Variants in REC114 observed in about 807,000 individuals in gnomAD.
REC114 encodes meiotic recombination protein REC114.
REC114 carries 27 observed loss-of-function variants against 31.3 expected under a neutral mutation model. The observed-to-expected ratio is 0.86, with a 90% CI of 0.64 to 1.19. The LOEUF (loss-of-function observed/expected upper bound fraction) is 1.19. Among genes scored for constraint, REC114 ranks in the 50% most tolerant of loss-of-function variants. The pLI is 0.00. For synonymous variants in REC114, 134 were observed against 127.7 expected, an observed-to-expected ratio of 1.05 and a Z score of -0.33; for missense variants, 344 against 326.9, an observed-to-expected ratio of 1.05 and a Z score of -0.40.
At chr15:73,533,687 C>T (rs1444889532) in intron 2 of REC114, among the ~76,000 whole-genome samples, 27 of 146,548 alleles carry the variant, frequency 1.8e-4, no homozygotes, top group African/African-American at 6.7e-4. Context: ...CCAAGCGGAC[C>T]TAATAGACAT....
chr15:73,530,139 T>C (rs1894057871), intron 2 of REC114, among the ~76,000 whole-genome samples: 1 of 152,338 alleles, frequency 6.6e-6, no homozygotes, highest in African/African-American at 2.4e-5. Flanking sequence ...TATCTCAGTC[T>C]GAGATATGAT....
chr15:73,557,164 G>T (rs1377431868), intron 5 of REC114, among the ~76,000 whole-genome samples: 1 of 151,570 alleles, frequency 6.6e-6, no homozygotes, highest in East Asian at 1.9e-4. Context: ...CTGTCTCCTG[G>T]GTTCAAGTGA....
chr15:73,544,481 G>A (rs1175906182), intron 3 of REC114, among the ~76,000 whole-genome samples: 1 of 152,114 alleles, frequency 6.6e-6, no homozygotes, highest in Non-Finnish European at 1.5e-5. Context: ...TCTCTGAACT[G>A]AAATAAGTAG....
At chr15:73,495,508 T>TA (rs80177107) in intron 2 of REC114, among the ~76,000 whole-genome samples, 4,708 of 130,648 alleles carry the variant, frequency 0.036, 132 homozygotes, top group African/African-American at 0.081. Flanking sequence ...CTGCCAGTCT[T>TA]AAAAAAAAAA....
At chr15:73,448,808 C>T (rs1385089486) in intron 1 of REC114, among the ~76,000 whole-genome samples, 1 of 152,148 alleles carries the variant, frequency 6.6e-6, no homozygotes, top group African/African-American at 2.4e-5. Context: ...AAGGAACAGG[C>T]AGCAGCCTGT....
chr15:73,496,126 G>A (rs1443544883), intron 2 of REC114, among the ~76,000 whole-genome samples: 1 of 151,934 alleles, frequency 6.6e-6, no homozygotes, highest in African/African-American at 2.4e-5. Context: ...GGCTGAGGCA[G>A]GCAGATCACG....
chr15:73,553,114 T>C (rs1894414777), intron 4 of REC114, among the ~76,000 whole-genome samples: 1 of 152,152 alleles, frequency 6.6e-6, no homozygotes, highest in Admixed American at 6.6e-5. Context: ...CGCACCCAGC[T>C]GTCACTAAGT....
chr15:73,500,646 G>A (rs549554196), intron 2 of REC114, among the ~76,000 whole-genome samples: 5 of 150,980 alleles, frequency 3.3e-5, no homozygotes, highest in African/African-American at 1.2e-4. Context: ...TAAGATATGT[G>A]TATAATACTT....
chr15:73,470,615 GA>G (rs370308788), intron 1 of REC114, among the ~76,000 whole-genome samples: 14 of 151,162 alleles, frequency 9.3e-5, no homozygotes, highest in East Asian at 3.9e-4. Context: ...CCAAAACGGG[GA>G]AAAAAAAATC....
chr15:73,478,689 C>T (rs1028255113), intron 2 of REC114, among the ~76,000 whole-genome samples: 6 of 152,172 alleles, frequency 3.9e-5, no homozygotes, highest in Non-Finnish European at 7.3e-5. Context: ...TTACCATCTT[C>T]TAAGTAGTGA....
chr15:73,517,574 A>G (rs1246343178), intron 2 of REC114, among the ~76,000 whole-genome samples: 1 of 152,212 alleles, frequency 6.6e-6, no homozygotes, highest in Non-Finnish European at 1.5e-5. Flanking sequence ...ATGCAACTCA[A>G]CTGAAGGTAG....
At chr15:73,546,990 G>C (rs1894318188) in intron 3 of REC114, among the ~76,000 whole-genome samples, 1 of 152,078 alleles carries the variant, frequency 6.6e-6, no homozygotes, top group African/African-American at 2.4e-5. Flanking sequence ...AACTCTCCAG[G>C]ATGTTGATCT....
chr15:73,457,210 T>TA (rs1892927716), intron 1 of REC114, among the ~76,000 whole-genome samples: 1 of 152,126 alleles, frequency 6.6e-6, no homozygotes, highest in South Asian at 2.1e-4. Flanking sequence ...AGCTCTTGAA[T>TA]ATTCTACTCA....
chr15:73,511,291 T>A (rs975996915), intron 2 of REC114, among the ~76,000 whole-genome samples: 3 of 152,002 alleles, frequency 2.0e-5, no homozygotes, highest in African/African-American at 7.3e-5. Context: ...GTGGTGATAT[T>A]CCCTTTATCA....
chr15:73,559,194 G>A (rs1394789937), intron 5 of REC114, among the ~76,000 whole-genome samples: 3 of 152,208 alleles, frequency 2.0e-5, no homozygotes, highest in Non-Finnish European at 2.9e-5. Context: ...GGAAGTGAAA[G>A]AAATGTTCTG....
chr15:73,518,094 G>GT (rs1442309763), intron 2 of REC114, among the ~76,000 whole-genome samples: 2 of 152,228 alleles, frequency 1.3e-5, no homozygotes, highest in African/African-American at 4.8e-5. Context: ...GAGATGTGGA[G>GT]TTTTTAAAAT....
intron 1 of REC114, among the ~76,000 whole-genome samples, chr15:73,449,343 T>C (rs1872247754): frequency 6.6e-6 from 1 of 152,040 alleles, no homozygotes; most frequent in African/African-American, 2.4e-5. Context: ...GAGAACTTCA[T>C]GAAGCATACA....
chr15:73,539,070 C>T (rs1343791985), intron 2 of REC114, among the ~76,000 whole-genome samples: 3 of 151,284 alleles, frequency 2.0e-5, no homozygotes, highest in Non-Finnish European at 4.4e-5. Context: ...CCAATTTGCA[C>T]TCCCACCAGC....
intron 4 of REC114, among the ~76,000 whole-genome samples, chr15:73,553,689 A>G (rs1349329539): frequency 6.6e-6 from 1 of 152,218 alleles, no homozygotes; most frequent in Non-Finnish European, 1.5e-5. Context: ...GTTGTGAGCT[A>G]CAGCCCCAGA....
Sources: gnomAD v4.1 joint callset for allele counts (sites outside exome capture counted in the v4.1 genomes callset) on GRCh38, gnomAD v4.1.1 for gene constraint, MANE v1.5 for transcripts, NCBI Gene and HGNC (gene_info 2026-07-23, HGNC 2026-07-21) for gene names.